Variants in DOP1A observed in about 807,000 individuals in gnomAD.
The protein encoded by DOP1A is protein DOP1A.
Under a neutral mutation model 267.6 loss-of-function variants are expected in DOP1A, and 90 were observed. The ratio of observed to expected loss-of-function variants is 0.34; its 90% confidence interval spans 0.28 to 0.40. The LOEUF is 0.40. Among genes scored for constraint, DOP1A ranks in the 10% least tolerant of loss-of-function variants. DOP1A has a pLI of 1.00. For missense variants in DOP1A, 2,437 were observed against 2,900.4 expected, an observed-to-expected ratio of 0.84 and a Z score of 3.67; for synonymous variants, 932 against 999.1, an observed-to-expected ratio of 0.93 and a Z score of 1.27.
intron 38 of DOP1A, chr6:83,167,630 C>T (rs1178163216): frequency 7.3e-6 from 9 of 1,234,158 alleles, no homozygotes; most frequent in South Asian, 6.3e-5. Flanking sequence ...AGCTTATCTG[C>T]GCATTCTAGT....
intron 4 of DOP1A, among the ~76,000 whole-genome samples, chr6:83,106,806 TA>T (rs67887369): frequency 2.7e-4 from 38 of 142,608 alleles, no homozygotes; most frequent in Admixed American, 4.9e-4. Flanking sequence ...AGAGTCCATC[TA>T]AAAAAAAAAA....
intron 4 of DOP1A, among the ~76,000 whole-genome samples, chr6:83,107,160 G>T (rs1248999152): frequency 1.3e-5 from 2 of 150,678 alleles, no homozygotes; most frequent in Non-Finnish European, 3.0e-5. Flanking sequence ...GGTTGTTGCT[G>T]TTTTTTTTTC....
In DOP1A at chr6:83,129,172, G is replaced by C. The variant is rs776129796; in HGVS notation, c.2005G>C (p.Ala669Pro). The change falls in exon 16 of 39, where the codon GCC (alanine) becomes CCC (proline). Residue 669 changes from alanine (A) to proline (P), a missense_variant. By Grantham distance (27) the Ala-to-Pro change is conservative. Around this residue, in one of 9 missense-constraint regions of DOP1A, gnomAD observed 498 missense variants for 513.5 expected, o/e 0.97. Transcript: ENST00000349129. ...GACAGCAACCCGAAGTAGGAAGACAGCCCAAAAGACTGCAATGCAGTGCTG... is the reference window on the plus strand; with the variant it reads ...GACAGCAACCCGAAGTAGGAAGACACCCCAAAAGACTGCAATGCAGTGCTG... ...QGTATRSRKTAQKTAMQCCLE... is the reference protein window; with the variant it reads ...QGTATRSRKTPQKTAMQCCLE... 2.5e-5 allele frequency: 41 copies of C among 1,612,780 alleles called. No individual in the cohort carries two copies. The highest frequency in any genetic ancestry group is 6.7e-5 in the Admixed American group (4 of 59,906).
At chr6:83,142,090 G>A (rs765859125) in intron 24 of DOP1A, 44 bp downstream of exon 24, 5 of 1,603,766 alleles carry the variant, frequency 3.1e-6, no homozygotes, top group Non-Finnish European at 4.2e-6. Flanking sequence ...TGCATTTGGT[G>A]AGTACATGCT....
At chr6:83,087,844 G>C (rs1769562513) in intron 1 of DOP1A, among the ~76,000 whole-genome samples, 1 of 152,046 alleles carries the variant, frequency 6.6e-6, no homozygotes, top group South Asian at 2.1e-4. Context: ...GAAAACCATT[G>C]ATGTTTGTTT....
At chr6:83,115,873 C>G (rs965662784) in intron 7 of DOP1A, among the ~76,000 whole-genome samples, 2 of 152,124 alleles carry the variant, frequency 1.3e-5, no homozygotes, top group Non-Finnish European at 2.9e-5. Context: ...TAGTTTTTCT[C>G]CCAAAATAAG....
chr6:83,165,242 TTAAG>T (rs1256587537), intron 38 of DOP1A: 2 of 152,150 alleles, frequency 1.3e-5, no homozygotes, highest in Non-Finnish European at 2.9e-5. Context: ...AGTGTCATAG[TTAAG>T]AAAGAAAGAA....
At chr6:83,148,635 T>C in intron 26 of DOP1A, 124 bp from the exon 27 acceptor site, 2 of 590,018 alleles carry the variant, frequency 3.4e-6, no homozygotes, top group East Asian at 7.1e-5. Context: ...TTAACGTTAG[T>C]AAAAATGTAA....
intron 1 of DOP1A, among the ~76,000 whole-genome samples, chr6:83,072,551 C>T (rs1785799289): frequency 6.6e-6 from 1 of 152,120 alleles, no homozygotes; most frequent in Non-Finnish European, 1.5e-5. Context: ...GGTTTCTTTC[C>T]TGCTTCTCAC....
At chr6:83,068,883 A>C (rs912952657) in intron 1 of DOP1A, among the ~76,000 whole-genome samples, 1 of 152,222 alleles carries the variant, frequency 6.6e-6, no homozygotes, top group Admixed American at 6.5e-5. Flanking sequence ...TGATAACTAA[A>C]TCATTCTCTG....
At chr6:83,084,992 AGT>A (rs1417761533) in intron 1 of DOP1A, among the ~76,000 whole-genome samples, 2 of 152,208 alleles carry the variant, frequency 1.3e-5, no homozygotes, top group Admixed American at 1.3e-4. Context: ...GTTTTTTAAA[AGT>A]GTAACTGGAA....
At chr6:83,099,609 C>T (rs1772159873) in intron 3 of DOP1A, among the ~76,000 whole-genome samples, 1 of 151,580 alleles carries the variant, frequency 6.6e-6, no homozygotes. Context: ...ATCTAGATAA[C>T]TCAAAGAAGA....
rs778577476 is a variant in DOP1A at position 83,129,009 on chromosome 6, T to A, written c.1842T>A (p.Asp614Glu). ...EFIQYQADRTDDIDRELSEGQ... is the reference protein window; with the variant it reads ...EFIQYQADRTEDIDRELSEGQ... ...TACAATATCAAGCAGACCGAACTGA[T>A]GATATTGACAGAGAACTGAGTGAGG... Residue 614 changes from aspartate to glutamate, a missense_variant, in exon 16 of 39, where the codon GAT becomes GAA. Asp to Glu is a conservative substitution (Grantham distance 45). This residue lies in a region of DOP1A where 498 missense variants were observed against 513.5 expected (regional missense o/e 0.97). Coordinates refer to ENST00000349129, the MANE Select transcript of DOP1A (RefSeq NM_015018.4). 6.2e-7 allele frequency: 1 copy of A among 1,613,518 alleles called. No individual in the cohort carries two copies. Among genetic ancestry groups the A allele is most frequent in the Non-Finnish European group, 8.5e-7 (1 of 1,179,742 alleles).
chr6:83,134,906 G>A, intron 19 of DOP1A, among the ~76,000 whole-genome samples: 1 of 152,094 alleles, frequency 6.6e-6, no homozygotes, highest in Admixed American at 6.6e-5. Flanking sequence ...GTCAGCTCAG[G>A]ATCAGATGTG....
intron 1 of DOP1A, among the ~76,000 whole-genome samples, chr6:83,079,177 C>G (rs1767651254): frequency 6.6e-6 from 1 of 152,090 alleles, no homozygotes; most frequent in Admixed American, 6.5e-5. Flanking sequence ...CCAGGGTGAA[C>G]CCTTTTTTAA....
At position 83,108,186 on chromosome 6, in the gene DOP1A, A is replaced by AT. The variant is rs995965865; in HGVS notation, c.321-720dup. Among the ~76,000 whole-genome samples, 40 of 152,142 alleles carry AT rather than the reference A, an allele frequency of 2.6e-4. 1 individual carries two copies. Among genetic ancestry groups the AT allele is most frequent in the African/African-American group, 9.6e-4 (40 of 41,532 alleles). ...TGATTGCAGGTTAGAGTAGAAAATT[A>AT]TTTTATTTTTGGATCCAGGCTGTCA... On this transcript the variant is annotated intron_variant, in intron 4 of 38. Transcript: ENST00000349129.
intron 37 of DOP1A, 124 bp downstream of exon 37, chr6:83,160,084 G>A (rs1783869647): frequency 2.1e-6 from 2 of 943,628 alleles, no homozygotes; most frequent in Admixed American, 2.7e-5. Flanking sequence ...TTACTAAAAT[G>A]TAATTCTTTT....
intron 30 of DOP1A, among the ~76,000 whole-genome samples, 189 bp downstream of exon 30, chr6:83,152,556 G>A (rs1781902682): frequency 6.6e-6 from 1 of 151,132 alleles, no homozygotes. Context: ...AAACATTAGT[G>A]ATAAATTTAG....
chr6:83,134,254 A>G lies in DOP1A; in HGVS notation c.2837A>G (p.Asn946Ser). 1 of 1,612,562 alleles carries G rather than the reference A, an allele frequency of 6.2e-7. No individual in the cohort carries two copies. The highest frequency in any genetic ancestry group is 8.5e-7 in the Non-Finnish European group (1 of 1,179,180). ...LWHLTRDLHI[N>S]KSSSFVRSFD... The stretch of plus-strand genomic sequence containing the variant: ...CATCTAACGAGAGATCTCCATATAA[A>G]TAAATCTTCATCTTTTGTACGTTCT... The change falls in exon 19 of 39, where the codon AAT (asparagine) becomes AGT (serine). Residue 946 changes from asparagine to serine, a missense_variant. By Grantham distance (46) the Asn-to-Ser change is conservative (BLOSUM62 1). This residue lies in a region of DOP1A where 878 missense variants were observed against 992.9 expected (regional missense o/e 0.88). Transcript: ENST00000349129.
Sources: gnomAD v4.1 joint callset for allele counts (sites outside exome capture counted in the v4.1 genomes callset) on GRCh38, gnomAD v4.1.1 for gene constraint, gnomAD v4.1.1 regional missense constraint, MANE v1.5 for transcripts, NCBI Gene and HGNC (gene_info 2026-07-23, HGNC 2026-07-21) for gene names.